The following RAB3B variants were observed in gnomAD, a reference collection of about 807,000 sequenced individuals.
The protein encoded by RAB3B is ras-related protein Rab-3B.
Under a neutral mutation model 20.5 loss-of-function variants are expected in RAB3B, and 11 were observed. That is an observed-to-expected ratio of 0.54 (90% confidence interval 0.34 to 0.89). RAB3B has a LOEUF of 0.89. RAB3B is among the 40% of genes least tolerant of loss of function. RAB3B has a pLI of 0.02. For missense variants in RAB3B, 225 were observed against 280.9 expected, an observed-to-expected ratio of 0.80 and a Z score of 1.42; for synonymous variants, 99 against 106.3, an observed-to-expected ratio of 0.93 and a Z score of 0.42.
At chr1:51,978,674 CCTT>C (rs1685042530) in intron 1 of RAB3B, among the ~76,000 whole-genome samples, 1 of 152,192 alleles carries the variant, frequency 6.6e-6, no homozygotes, top group African/African-American at 2.4e-5. Flanking sequence ...TGAAATCTCC[CCTT>C]CTTCTCAGCA....
At position 51,971,278 on chromosome 1, in the gene RAB3B, T is replaced by C. The variant is rs190132194; in HGVS notation, c.228+5612A>G. Among the ~76,000 whole-genome samples, 393 of 151,726 alleles carry C rather than the reference T, an allele frequency of 2.6e-3. 1 individual carries two copies. The highest frequency in any genetic ancestry group is 0.014 in the Middle Eastern group (4 of 292). ...AAAACTTTTGTGTACAGAAGTGATA[T>C]GTATAAACACACATAAATGTTCCCC... On this transcript the variant is annotated intron_variant, in intron 2 of 4. Coordinates refer to ENST00000371655, the MANE Select transcript of RAB3B (RefSeq NM_002867.4).
chr1:51,955,206 GT>G (rs1684691870), intron 2 of RAB3B, among the ~76,000 whole-genome samples: 1 of 152,098 alleles, frequency 6.6e-6, no homozygotes, highest in African/African-American at 2.4e-5. Flanking sequence ...GTATATTAAG[GT>G]GATTTTTCTC....
At chr1:51,920,167 C>G in intron 4 of RAB3B, 53 bp from the exon 5 acceptor site, 1 of 1,489,276 alleles carries the variant, frequency 6.7e-7, no homozygotes, top group Non-Finnish European at 9.1e-7. Context: ...TCTGCTGGAA[C>G]CCTTCTGTGC....
At chr1:51,949,173 C>T (rs1198802689) in intron 2 of RAB3B, among the ~76,000 whole-genome samples, 1 of 152,230 alleles carries the variant, frequency 6.6e-6, no homozygotes, top group African/African-American at 2.4e-5. Flanking sequence ...TTTGCCTTAA[C>T]TACTTGTGGT....
chr1:51,920,273 G>A (rs1161987547), intron 4 of RAB3B, among the ~76,000 whole-genome samples, 159 bp from the exon 5 acceptor site: 4 of 152,158 alleles, frequency 2.6e-5, no homozygotes, highest in Admixed American at 6.5e-5. Context: ...TCAAGGAGAC[G>A]GTACAGGGCA....
At chr1:51,972,489 C>CTTTTTTTTT (rs1160625371) in intron 2 of RAB3B, among the ~76,000 whole-genome samples, 7 of 130,860 alleles carry the variant, frequency 5.3e-5, no homozygotes, top group African/African-American at 1.1e-4. Flanking sequence ...TTTCTTTTTT[C>CTTTTTTTTT]TTTTTTTTTT....
At chr1:51,989,679 C>G (rs1377346307) in intron 1 of RAB3B, among the ~76,000 whole-genome samples, 2 of 151,936 alleles carry the variant, frequency 1.3e-5, no homozygotes, top group Non-Finnish European at 2.9e-5. Flanking sequence ...AATGTAGGCC[C>G]CTGTGTCCAT....
chr1:51,958,367 A>T (rs1292967056), intron 2 of RAB3B, among the ~76,000 whole-genome samples: 1 of 152,166 alleles, frequency 6.6e-6, no homozygotes, highest in Non-Finnish European at 1.5e-5. Flanking sequence ...GAGATCTCAT[A>T]TGTATCAGAT....
At chr1:51,970,722 G>A (rs1439377812) in intron 2 of RAB3B, among the ~76,000 whole-genome samples, 2 of 152,052 alleles carry the variant, frequency 1.3e-5, no homozygotes, top group African/African-American at 4.8e-5. Context: ...AAGCAACCCA[G>A]TGGCTGGGCA....
intron 1 of RAB3B, among the ~76,000 whole-genome samples, chr1:51,989,660 C>T (rs1371498043): frequency 6.6e-6 from 1 of 151,920 alleles, no homozygotes; most frequent in Non-Finnish European, 1.5e-5. Flanking sequence ...CCTCTCCACT[C>T]CTGACCAGAA....
intron 2 of RAB3B, among the ~76,000 whole-genome samples, chr1:51,971,428 TTTC>T (rs1684933414): frequency 6.6e-6 from 1 of 151,580 alleles, no homozygotes; most frequent in African/African-American, 2.4e-5. Context: ...CTTTTTCTTT[TTTC>T]TTTTCTTTTT....
chr1:51,944,208 C>A (rs192162756), intron 2 of RAB3B, among the ~76,000 whole-genome samples: 12 of 152,302 alleles, frequency 7.9e-5, no homozygotes, highest in African/African-American at 2.4e-4. Context: ...AGAAATCGAA[C>A]AACTAAGCCT....
chr1:51,971,471 C>T (rs1346737623), intron 2 of RAB3B, among the ~76,000 whole-genome samples: 10 of 147,898 alleles, frequency 6.8e-5, no homozygotes, highest in Non-Finnish European at 1.2e-4. Flanking sequence ...CTCGCTCTGT[C>T]GCCTAGGCTG....
intron 2 of RAB3B, among the ~76,000 whole-genome samples, chr1:51,972,053 C>T (rs936997188): frequency 2.0e-5 from 3 of 152,220 alleles, no homozygotes; most frequent in South Asian, 2.1e-4. Flanking sequence ...TGGTGGTGTA[C>T]GCCTGTAATC....
In RAB3B at chr1:51,915,279, T is replaced by C. The variant is rs1478569375; in HGVS notation, c.*4648A>G. 3 of 152,194 alleles carry C rather than the reference T, an allele frequency of 2.0e-5. No homozygotes were observed. Among genetic ancestry groups the C allele is most frequent in the Non-Finnish European group, 4.4e-5 (3 of 68,042 alleles). 9.4% of individuals were successfully genotyped at this position (152,194 alleles called of 1,614,324 possible). On this transcript the variant is annotated 3_prime_UTR_variant, in exon 5 of 5. Transcript: ENST00000371655. ...TTTTTCATCTGTATTTATCTAGTGC[T>C]TAATAATGCTAGGCCCTAGTCGATA...
At position 51,980,495 on chromosome 1, in the gene RAB3B, A is replaced by G. The variant is rs1685072758; in HGVS notation, c.1-3378T>C. The G allele has an allele frequency of 7.0e-6, 5 of 714,584 alleles. No homozygotes were observed. The East Asian group carries it at 1.3e-4, about 19-fold the overall frequency. 44.3% of individuals were successfully genotyped at this position (714,584 alleles called of 1,614,324 possible). Reference sequence around the variant, plus strand: ...AAGATGACAAAGAAAAGAAGGAACAATGGTCATGCCAAAAAGGCCTGCAGC... The same window carrying G: ...AAGATGACAAAGAAAAGAAGGAACAGTGGTCATGCCAAAAAGGCCTGCAGC... On this transcript the variant is annotated intron_variant, in intron 1 of 4. Transcript: ENST00000371655.
rs67927521 is a variant in RAB3B at position 51,967,515 on chromosome 1, C to CTTTTTTTTTT, written c.228+9374_228+9375insAAAAAAAAAA. Among the ~76,000 whole-genome samples the CTTTTTTTTTT allele has an allele frequency of 1.2e-3, 20 of 16,428 alleles. 1 individual carries two copies. The highest frequency in any genetic ancestry group is 5.7e-3 in the South Asian group (1 of 174). 10.8% of individuals were successfully genotyped at this position (16,428 alleles called of 152,430 possible). A position where few individuals can be genotyped will look rare whatever the true frequency, so the allele number is the denominator to read the frequency against. ...GGTATTTTCCTTTTTCTTTTCTTTT[C>CTTTTTTTTTT]TTTTTCTTTTTTTTTTTTTTTTTTG... On this transcript the variant is annotated intron_variant, in intron 2 of 4. Coordinates refer to ENST00000371655, the MANE Select transcript of RAB3B (RefSeq NM_002867.4).
chr1:51,932,372 G>A (rs1684338121), intron 4 of RAB3B, among the ~76,000 whole-genome samples: 1 of 152,092 alleles, frequency 6.6e-6, no homozygotes, highest in African/African-American at 2.4e-5. Flanking sequence ...CAAACCTACA[G>A]GCATGGAACT....
Position 51,909,744 on chromosome 1 carries a change from T to TA in RAB3B, c.*10182dup, listed in dbSNP as rs944677241. The TA allele has an allele frequency of 3.3e-4, 50 of 152,412 alleles. No homozygotes were observed. The highest frequency in any genetic ancestry group is 1.2e-3 in the African/African-American group (50 of 41,576). The allele number at this position is 152,412 out of a possible 1,614,324, so 9.4% of individuals were successfully genotyped here. ...CTGGATTCTTCTACCCTGATCCACT[T>TA]AGTAAGTTCAAGCTCCATCTCCTAC... On this transcript the variant is annotated 3_prime_UTR_variant, in exon 5 of 5. Transcript: ENST00000371655.
Sources: allele counts gnomAD v4.1 joint callset (sites outside exome capture counted in the v4.1 genomes callset), GRCh38; gene constraint gnomAD v4.1.1; transcripts MANE v1.5; gene names NCBI Gene and HGNC (gene_info 2026-07-23, HGNC 2026-07-21).